Variants in DGKB observed in about 807,000 individuals in gnomAD.
The protein encoded by DGKB is 90 kDa diacylglycerol kinase.
In DGKB, 67 loss-of-function variants were observed where a neutral mutation model predicts 114.3. The observed-to-expected ratio is 0.59, with a 90% CI of 0.48 to 0.72. The LOEUF is 0.72. Among genes scored for constraint, DGKB ranks in the 30% least tolerant of loss-of-function variants. DGKB has a pLI of 0.00. For synonymous variants in DGKB, 398 were observed against 323.1 expected, an observed-to-expected ratio of 1.23 and a Z score of -2.49; for missense variants, 907 against 975.2, an observed-to-expected ratio of 0.93 and a Z score of 0.93.
At chr7:14,899,295 C>G (rs1255500290) in intron 1 of DGKB, among the ~76,000 whole-genome samples, 1 of 152,056 alleles carries the variant, frequency 6.6e-6, no homozygotes, top group Non-Finnish European at 1.5e-5. Context: ...CTTTCTCCGC[C>G]ACTTGTCTTT....
intron 1 of DGKB, among the ~76,000 whole-genome samples, chr7:14,949,379 AG>A (rs1260743086): frequency 6.6e-6 from 1 of 151,962 alleles, no homozygotes; most frequent in East Asian, 1.9e-4. Flanking sequence ...ATTTTTAATA[AG>A]TTTTATCTTA....
intron 2 of DGKB, among the ~76,000 whole-genome samples, chr7:14,758,156 AT>A (rs903459523): frequency 6.6e-6 from 1 of 152,100 alleles, no homozygotes; most frequent in Non-Finnish European, 1.5e-5. Flanking sequence ...CTATATATGC[AT>A]TACGAATAAC....
At chr7:14,266,592 C>G (rs746525036) in intron 23 of DGKB, among the ~76,000 whole-genome samples, 2 of 152,082 alleles carry the variant, frequency 1.3e-5, no homozygotes, top group Admixed American at 6.6e-5. Flanking sequence ...TGTTTTTGAC[C>G]TTTTAAGTAT....
chr7:14,516,954 A>T (rs562031112), intron 20 of DGKB, among the ~76,000 whole-genome samples: 8 of 152,220 alleles, frequency 5.3e-5, no homozygotes, highest in Non-Finnish European at 8.8e-5. Context: ...AGAAAAAAAA[A>T]ATTTTAAATT....
At chr7:14,365,904 C>G (rs1268319332) in intron 21 of DGKB, among the ~76,000 whole-genome samples, 2 of 152,024 alleles carry the variant, frequency 1.3e-5, no homozygotes, top group Non-Finnish European at 2.9e-5. Context: ...TTCTGTGGAT[C>G]ACAGATACTT....
chr7:14,825,710 G>T (rs75051823), intron 2 of DGKB, among the ~76,000 whole-genome samples: 1,588 of 152,186 alleles, frequency 0.01, 10 homozygotes, highest in Non-Finnish European at 0.016. Flanking sequence ...TCAGTGGCAG[G>T]GGTATTGAGG....
At chr7:14,759,999 C>A (rs1835448897) in intron 2 of DGKB, among the ~76,000 whole-genome samples, 1 of 152,282 alleles carries the variant, frequency 6.6e-6, no homozygotes, top group African/African-American at 2.4e-5. Context: ...TAGTCATTCG[C>A]TAATGACTAA....
chr7:14,170,153 G>GAAAGAA (rs1780716479), intron 25 of DGKB, among the ~76,000 whole-genome samples: 1 of 47,608 alleles, frequency 2.1e-5, no homozygotes, highest in Non-Finnish European at 3.6e-5. Flanking sequence ...AAAAAAGAAA[G>GAAAGAA]AAAGAAAGAA....
chr7:14,855,622 GGTGA>G (rs1850035603), intron 1 of DGKB, among the ~76,000 whole-genome samples: 3 of 152,052 alleles, frequency 2.0e-5, no homozygotes, highest in Admixed American at 6.6e-5. Flanking sequence ...CTAGGTTATA[GGTGA>G]GTAAGTTCTT....
intron 21 of DGKB, among the ~76,000 whole-genome samples, chr7:14,466,422 A>G (rs1205094338): frequency 6.6e-6 from 1 of 152,160 alleles, no homozygotes; most frequent in African/African-American, 2.4e-5. Flanking sequence ...GTTAAAGTCG[A>G]TTTTAGTACC....
chr7:14,462,264 G>T (rs577863330), intron 21 of DGKB, among the ~76,000 whole-genome samples: 21 of 152,176 alleles, frequency 1.4e-4, no homozygotes, highest in Non-Finnish European at 1.6e-4. Context: ...AGGGCAATCA[G>T]GCAAGAGAAA....
At chr7:14,442,045 G>A (rs112916581) in intron 21 of DGKB, among the ~76,000 whole-genome samples, 209 of 152,018 alleles carry the variant, frequency 1.4e-3, no homozygotes, top group Middle Eastern at 4.0e-3. Flanking sequence ...AGATTCAAAT[G>A]TCATAAAATG....
At chr7:14,165,758 A>G (rs761914547) in intron 25 of DGKB, among the ~76,000 whole-genome samples, 6 of 152,188 alleles carry the variant, frequency 3.9e-5, no homozygotes, top group Non-Finnish European at 7.4e-5. Context: ...CCATTAAAAC[A>G]ATCTCTTCTT....
chr7:14,634,153 A>G (rs564314784), intron 13 of DGKB, among the ~76,000 whole-genome samples: 2 of 151,070 alleles, frequency 1.3e-5, no homozygotes, highest in East Asian at 3.9e-4. Flanking sequence ...ATATTTTTAT[A>G]TATATATTTT....
At chr7:14,354,135 G>A (rs1814025427) in intron 21 of DGKB, among the ~76,000 whole-genome samples, 1 of 152,088 alleles carries the variant, frequency 6.6e-6, no homozygotes. Flanking sequence ...CCTGATGTCT[G>A]AGATTATCTG....
chr7:14,210,577 A>G (rs1323557978), intron 23 of DGKB, among the ~76,000 whole-genome samples: 1 of 152,088 alleles, frequency 6.6e-6, no homozygotes, highest in Non-Finnish European at 1.5e-5. Flanking sequence ...CTCAACATGC[A>G]CCTGATTTTC....
chr7:14,931,436 T>C (rs1202695318), intron 1 of DGKB, among the ~76,000 whole-genome samples: 1 of 152,218 alleles, frequency 6.6e-6, no homozygotes, highest in African/African-American at 2.4e-5. Context: ...AAAGCATCTA[T>C]GTATCTATGT....
chr7:14,192,435 A>G (rs112813078), intron 23 of DGKB, among the ~76,000 whole-genome samples: 1 of 152,308 alleles, frequency 6.6e-6, no homozygotes, highest in African/African-American at 2.4e-5. Context: ...TAAAACTGTA[A>G]AACTTTGATG....
At chr7:14,828,801 G>A (rs1371636983) in intron 2 of DGKB, among the ~76,000 whole-genome samples, 2 of 151,996 alleles carry the variant, frequency 1.3e-5, no homozygotes, top group Non-Finnish European at 2.9e-5. Flanking sequence ...CCATTTCTGG[G>A]CATCAGCGTC....
Sources: allele counts gnomAD v4.1 joint callset (sites outside exome capture counted in the v4.1 genomes callset), GRCh38; gene constraint gnomAD v4.1.1; transcripts MANE v1.5; gene names NCBI Gene and HGNC (gene_info 2026-07-23, HGNC 2026-07-21).